Variants in IQCM observed in about 807,000 individuals in gnomAD.
The protein encoded by IQCM is IQ motif containing M, also known as IQ domain-containing protein M.
IQCM carries 45 observed loss-of-function variants against 57.6 expected under a neutral mutation model. The observed-to-expected ratio is 0.78, with a 90% confidence interval of 0.62 to 1.00. The LOEUF (loss-of-function observed/expected upper bound fraction) is 1.00, where lower values mean the gene tolerates loss of function less well. IQCM is among the 50% of genes least tolerant of loss of function. The pLI is 0.00. For synonymous variants in IQCM, 148 were observed against 158.9 expected, an observed-to-expected ratio of 0.93 and a Z score of 0.51; for missense variants, 468 against 511.6, an observed-to-expected ratio of 0.91 and a Z score of 0.82.
chr4:149,714,199 G>A (rs1044663421), intron 5 of IQCM, among the ~76,000 whole-genome samples: 19 of 152,156 alleles, frequency 1.2e-4, no homozygotes, highest in African/African-American at 3.9e-4. Flanking sequence ...CTCCTGGGAA[G>A]ACAATCTTCA....
At chr4:149,526,198 A>G (rs1746140940) in intron 12 of IQCM, among the ~76,000 whole-genome samples, 1 of 151,970 alleles carries the variant, frequency 6.6e-6, no homozygotes, top group Admixed American at 6.6e-5. Flanking sequence ...TCATAAAAAT[A>G]GAAGCACCAA....
intron 12 of IQCM, among the ~76,000 whole-genome samples, chr4:149,546,045 A>T (rs982749541): frequency 2.0e-5 from 3 of 152,000 alleles, no homozygotes; most frequent in Non-Finnish European, 4.4e-5. Flanking sequence ...TTCAATTCCC[A>T]CCTATGAGTG....
At chr4:149,394,617 A>G (rs1162844682) in intron 13 of IQCM, among the ~76,000 whole-genome samples, 3 of 151,738 alleles carry the variant, frequency 2.0e-5, no homozygotes, top group Non-Finnish European at 4.4e-5. Flanking sequence ...GGGGGTGAGG[A>G]TCAGTCTCTA....
At chr4:149,360,452 A>G (rs1268577886) in intron 13 of IQCM, among the ~76,000 whole-genome samples, 1 of 152,104 alleles carries the variant, frequency 6.6e-6, no homozygotes, top group Non-Finnish European at 1.5e-5. Flanking sequence ...TCCTGGAGTC[A>G]ATTCTCTGTG....
intron 5 of IQCM, among the ~76,000 whole-genome samples, chr4:149,707,010 GT>G (rs1266599306): frequency 6.6e-6 from 1 of 152,016 alleles, no homozygotes; most frequent in African/African-American, 2.4e-5. Context: ...AAGAAAAGAT[GT>G]AGGAACACAG....
At chr4:149,526,929 C>T (rs2149841668) in intron 12 of IQCM, among the ~76,000 whole-genome samples, 1 of 151,804 alleles carries the variant, frequency 6.6e-6, no homozygotes, top group South Asian at 2.1e-4. Flanking sequence ...ATAATATATT[C>T]CATTATTTAT....
chr4:149,462,087 T>C (rs1738360581), intron 12 of IQCM, among the ~76,000 whole-genome samples: 1 of 152,142 alleles, frequency 6.6e-6, no homozygotes, highest in South Asian at 2.1e-4. Context: ...TTATATGTAA[T>C]ACATATTGAG....
intron 5 of IQCM, among the ~76,000 whole-genome samples, chr4:149,688,123 T>C (rs1762681743): frequency 6.6e-6 from 1 of 151,814 alleles, no homozygotes; most frequent in Admixed American, 6.6e-5. Context: ...GAGAAAGAAA[T>C]AAAGGGCATC....
At chr4:149,749,006 GA>G (rs1291125922) in intron 2 of IQCM, among the ~76,000 whole-genome samples, 3 of 152,098 alleles carry the variant, frequency 2.0e-5, no homozygotes, top group Admixed American at 2.0e-4. Context: ...CATCACCCAG[GA>G]AACACAAATA....
At chr4:149,419,752 G>A (rs1391878515) in intron 13 of IQCM, among the ~76,000 whole-genome samples, 2 of 151,942 alleles carry the variant, frequency 1.3e-5, no homozygotes, top group Non-Finnish European at 2.9e-5. Context: ...TCTGACAAAG[G>A]TCTAATATCC....
rs377365916 is a variant in IQCM at position 149,684,540 on chromosome 4, A to G, written c.476+1838T>C. On this transcript the variant is annotated intron_variant, in intron 6 of 13. Transcript: ENST00000636793. ...TTTCATAAAGAGTTGGGTCATTCAT[A>G]CTAATTAGTCCTAGAGCCTGTCCCT... Among the ~76,000 whole-genome samples, 129 of 151,530 alleles carry G rather than the reference A, an allele frequency of 8.5e-4. No individual in the cohort carries two copies. In the Middle Eastern group the frequency reaches 0.01, roughly 12 times the overall value.
At chr4:149,791,766 A>G (rs865955122) in intron 2 of IQCM, among the ~76,000 whole-genome samples, 32 of 152,194 alleles carry the variant, frequency 2.1e-4, no homozygotes, top group African/African-American at 9.6e-5. Context: ...GTTTAGATGA[A>G]GAGCGTCTAA....
intron 13 of IQCM, among the ~76,000 whole-genome samples, chr4:149,391,693 T>A (rs1731868370): frequency 6.6e-6 from 1 of 152,024 alleles, no homozygotes; most frequent in Non-Finnish European, 1.5e-5. Flanking sequence ...TCCATTTGTC[T>A]CAAAGTATTT....
At chr4:149,780,538 T>C (rs1771508581) in intron 2 of IQCM, among the ~76,000 whole-genome samples, 1 of 149,650 alleles carries the variant, frequency 6.7e-6, no homozygotes, top group Non-Finnish European at 1.5e-5. Flanking sequence ...AAGTTATATA[T>C]ATATATATAA....
intron 11 of IQCM, among the ~76,000 whole-genome samples, chr4:149,550,781 A>G (rs1459174811): frequency 1.3e-5 from 2 of 152,216 alleles, no homozygotes; most frequent in African/African-American, 4.8e-5. Context: ...TCTAAGTAAC[A>G]TGAAGACAAA....
At chr4:149,533,791 A>C (rs908050360) in intron 12 of IQCM, among the ~76,000 whole-genome samples, 1 of 152,082 alleles carries the variant, frequency 6.6e-6, no homozygotes, top group Non-Finnish European at 1.5e-5. Flanking sequence ...CCCTCCCATC[A>C]CATGTGGGGA....
chr4:149,625,242 T>G (rs1756693492), intron 7 of IQCM, among the ~76,000 whole-genome samples: 1 of 152,202 alleles, frequency 6.6e-6, no homozygotes, highest in African/African-American at 2.4e-5. Context: ...TGTGTTGAAT[T>G]TATAGTACAA....
At chr4:149,373,376 T>C (rs1730493865) in intron 13 of IQCM, among the ~76,000 whole-genome samples, 1 of 152,108 alleles carries the variant, frequency 6.6e-6, no homozygotes, top group South Asian at 2.1e-4. Context: ...ATAACAGCAA[T>C]GAATCAGACA....
chr4:149,547,092 TC>T (rs1388381704), intron 12 of IQCM, among the ~76,000 whole-genome samples: 1 of 152,080 alleles, frequency 6.6e-6, no homozygotes, highest in Non-Finnish European at 1.5e-5. Flanking sequence ...TTTCCCCATT[TC>T]TTGTTTTTGT....
Sources: allele counts gnomAD v4.1 joint callset (sites outside exome capture counted in the v4.1 genomes callset), GRCh38; gene constraint gnomAD v4.1.1; transcripts MANE v1.5; gene names NCBI Gene and HGNC (gene_info 2026-07-23, HGNC 2026-07-21).